The following CRYBG1 variants were observed in gnomAD, a reference collection of about 807,000 sequenced individuals.
CRYBG1 encodes the protein beta/gamma crystallin domain-containing protein 1.
CRYBG1 carries 139 observed loss-of-function variants against 189.2 expected under a neutral mutation model. The observed-to-expected ratio is 0.73, with a 90% CI of 0.64 to 0.85. The LOEUF is 0.85. Among genes scored for constraint, CRYBG1 ranks in the 40% least tolerant of loss-of-function variants. CRYBG1 has a pLI of 0.00. For synonymous variants in CRYBG1, 1,023 were observed against 1,017.1 expected, an observed-to-expected ratio of 1.01 and a Z score of -0.11; for missense variants, 2,611 against 2,675.8, an observed-to-expected ratio of 0.98 and a Z score of 0.53.
intron 1 of CRYBG1, among the ~76,000 whole-genome samples, chr6:106,438,403 G>A (rs1396156250): frequency 3.3e-5 from 5 of 152,122 alleles, no homozygotes; most frequent in Non-Finnish European, 7.3e-5. Flanking sequence ...CTCACAGTCT[G>A]GGGGCTAGAA....
At chr6:106,538,316 A>G (rs1774051004) in intron 8 of CRYBG1, among the ~76,000 whole-genome samples, 1 of 152,080 alleles carries the variant, frequency 6.6e-6, no homozygotes, top group Non-Finnish European at 1.5e-5. Context: ...TGGTTTCCTG[A>G]TTTCTGGCAC....
At chr6:106,379,483 G>T (rs893106215) in intron 1 of CRYBG1, among the ~76,000 whole-genome samples, 24 of 151,674 alleles carry the variant, frequency 1.6e-4, no homozygotes, top group Admixed American at 1.4e-3. Context: ...GGATGGTCTC[G>T]ATCTCCTGAC....
At chr6:106,537,386 T>C (rs1479893988) in intron 8 of CRYBG1, among the ~76,000 whole-genome samples, 1 of 152,242 alleles carries the variant, frequency 6.6e-6, no homozygotes, top group Non-Finnish European at 1.5e-5. Flanking sequence ...ACTGCCATTA[T>C]TTTGTTAGAG....
chr6:106,372,448 G>A lies in CRYBG1; in HGVS notation c.173+11367G>A, dbSNP rs142123599. Among the ~76,000 whole-genome samples, 42 of 152,120 alleles carry A rather than the reference G, an allele frequency of 2.8e-4. 1 individual carries two copies. The East Asian group carries it at 8.1e-3, about 29-fold the overall frequency. ...TGTATTTTCAGTAGAGACCAGATTT[G>A]GCCATGTTGGCCAGGCTGCTCTCAA... On this transcript the variant is annotated intron_variant, in intron 1 of 21. Coordinates refer to ENST00000633556, the MANE Select transcript of CRYBG1 (RefSeq NM_001371242.2).
At chr6:106,550,652 A>G (rs938457478) in intron 13 of CRYBG1, among the ~76,000 whole-genome samples, 3 of 152,180 alleles carry the variant, frequency 2.0e-5, no homozygotes, top group African/African-American at 7.2e-5. Flanking sequence ...TGTTGGAAAC[A>G]ATATTTTAGT....
intron 1 of CRYBG1, among the ~76,000 whole-genome samples, chr6:106,407,163 A>G (rs1038158947): frequency 4.6e-5 from 7 of 152,152 alleles, no homozygotes; most frequent in Admixed American, 1.3e-4. Flanking sequence ...AGACACACAT[A>G]GCCTCAAAAT....
rs1462087345 is a variant in CRYBG1, at chr6:106,520,360, T to G, written c.3152T>G (p.Leu1051Arg). Residue 1051 changes from leucine to arginine, a missense_variant, in exon 4 of 22, where the codon CTG becomes CGG. Physicochemically the swap from Leu to Arg is moderately radical, Grantham distance 102. This residue lies in a region of CRYBG1 where 1,622 missense variants were observed against 1,735.0 expected (regional missense o/e 0.93). Coordinates refer to ENST00000633556, the MANE Select transcript of CRYBG1 (RefSeq NM_001371242.2). ...CAAAGTCAGGGCAGCAGAACACCCC[T>G]GATGGCTGAATCCAGTCCCACCAAC... ...QAQSQGSRTP[L>R]MAESSPTNSP... 1.2e-6 allele frequency: 2 copies of G among 1,614,122 alleles called. No individual in the cohort carries two copies. Among genetic ancestry groups the G allele is most frequent in the East Asian group, 2.2e-5 (1 of 44,890 alleles).
At chr6:106,414,896 A>T (rs1770993352) in intron 1 of CRYBG1, among the ~76,000 whole-genome samples, 1 of 152,108 alleles carries the variant, frequency 6.6e-6, no homozygotes, top group African/African-American at 2.4e-5. Flanking sequence ...TTTTTTTCTG[A>T]TAGAAGCTAC....
chr6:106,415,621 G>C (rs180797292), intron 1 of CRYBG1, among the ~76,000 whole-genome samples: 1 of 152,120 alleles, frequency 6.6e-6, no homozygotes, highest in East Asian at 1.9e-4. Context: ...AGCTACTCAG[G>C]ATACTGAGAT....
Position 106,440,243 on chromosome 6 carries a change from C to CCTCTCTCTCT in CRYBG1, c.174-11434_174-11425dup, listed in dbSNP as rs34075891. ...CTTATTTGAAGCACTTTCCTTTCTT[C>CCTCTCTCTCT]CTCTCTCTCTCTCTCTCTCTCTCTC... On this transcript the variant is annotated intron_variant, in intron 1 of 21. Transcript: ENST00000633556. Among the ~76,000 whole-genome samples, 583 of 147,574 alleles carry CCTCTCTCTCT rather than the reference C, an allele frequency of 4.0e-3. 1 individual carries two copies. Among genetic ancestry groups the CCTCTCTCTCT allele is most frequent in the Non-Finnish European group, 6.3e-3 (426 of 67,120 alleles).
At chr6:106,480,189 G>A (rs912812079) in intron 2 of CRYBG1, among the ~76,000 whole-genome samples, 1 of 152,128 alleles carries the variant, frequency 6.6e-6, no homozygotes, top group Non-Finnish European at 1.5e-5. Flanking sequence ...TGATTGTCAA[G>A]ACTTAAGTAT....
intron 1 of CRYBG1, among the ~76,000 whole-genome samples, chr6:106,378,062 T>A (rs1266440452): frequency 6.6e-6 from 1 of 152,164 alleles, no homozygotes; most frequent in Non-Finnish European, 1.5e-5. Context: ...CTTGAAGCCA[T>A]GTATGAGAGC....
chr6:106,412,260 T>C (rs1034185253), intron 1 of CRYBG1, among the ~76,000 whole-genome samples: 5 of 152,262 alleles, frequency 3.3e-5, no homozygotes, highest in Admixed American at 6.5e-5. Context: ...TTGAATGTAT[T>C]TGTTCCCAAT....
At chr6:106,510,094 T>C (rs539387039) in intron 2 of CRYBG1, among the ~76,000 whole-genome samples, 1 of 152,290 alleles carries the variant, frequency 6.6e-6, no homozygotes, top group East Asian at 1.9e-4. Flanking sequence ...ATGTTCCTTT[T>C]CCAGGAAAGG....
At chr6:106,475,495 G>T (rs1189168757) in intron 2 of CRYBG1, among the ~76,000 whole-genome samples, 2 of 152,176 alleles carry the variant, frequency 1.3e-5, no homozygotes, top group Non-Finnish European at 2.9e-5. Flanking sequence ...GGCAGATGAG[G>T]TGATATTTGG....
Position 106,553,443 on chromosome 6 carries a change from A to T in CRYBG1, c.5473-12A>T, listed in dbSNP as rs753876997. 6.4e-7 allele frequency: 1 copy of T among 1,561,262 alleles called. No individual in the cohort carries two copies. The highest frequency in any genetic ancestry group is 8.8e-7 in the Non-Finnish European group (1 of 1,132,580). The stretch of plus-strand genomic sequence containing the variant: ...AAAATAATTTTATGTGTTTCTGTTT[A>T]CTTTTTCAAAGATTCACTTGTTTTC... On this transcript the variant is annotated splice_polypyrimidine_tract_variant and intron_variant, in intron 15 of 21. Transcript: ENST00000633556.
intron 16 of CRYBG1, among the ~76,000 whole-genome samples, 166 bp downstream of exon 16, chr6:106,553,733 C>T (rs529828624): frequency 2.6e-5 from 4 of 152,228 alleles, no homozygotes; most frequent in East Asian, 1.9e-4. Flanking sequence ...CCAGAGGACA[C>T]GGGCTTCAGG....
intron 2 of CRYBG1, among the ~76,000 whole-genome samples, chr6:106,511,099 A>G (rs534988622): frequency 6.6e-6 from 1 of 152,328 alleles, no homozygotes; most frequent in African/African-American, 2.4e-5. Flanking sequence ...TTTATTGAGG[A>G]AGAAGGTAAA....
intron 17 of CRYBG1, among the ~76,000 whole-genome samples, 183 bp downstream of exon 17, chr6:106,556,080 C>T (rs1412738052): frequency 6.6e-6 from 1 of 152,148 alleles, no homozygotes; most frequent in Non-Finnish European, 1.5e-5. Context: ...TTTTCCACCA[C>T]CCTGTTTTAC....
Sources: allele counts gnomAD v4.1 joint callset (sites outside exome capture counted in the v4.1 genomes callset), GRCh38; gene constraint gnomAD v4.1.1; regional missense constraint gnomAD v4.1.1; transcripts MANE v1.5; gene names NCBI Gene and HGNC (gene_info 2026-07-23, HGNC 2026-07-21).